Variants in TFEC observed in about 807,000 individuals in gnomAD.
The protein encoded by TFEC is class E basic helix-loop-helix protein 34.
TFEC carries 31 observed loss-of-function variants against 41.6 expected under a neutral mutation model. That is an observed-to-expected ratio of 0.74 (90% confidence interval 0.56 to 1.01). The LOEUF (loss-of-function observed/expected upper bound fraction) is 1.01, where lower values mean the gene tolerates loss of function less well. Ranked by LOEUF, TFEC falls within the 50% of genes least tolerant of loss-of-function variation. TFEC has a pLI of 0.00. For missense variants in TFEC, 402 were observed against 404.1 expected, an observed-to-expected ratio of 0.99 and a Z score of 0.04; for synonymous variants, 143 against 140.6, an observed-to-expected ratio of 1.02 and a Z score of -0.12.
chr7:116,106,082 A>G (rs1387227334), intron 3 of TFEC, among the ~76,000 whole-genome samples: 11 of 152,174 alleles, frequency 7.2e-5, no homozygotes, highest in Non-Finnish European at 1.6e-4. Flanking sequence ...CACATAGAGT[A>G]TCTCTATTCA....
chr7:116,144,427 AC>A (rs1798602133), intron 1 of TFEC, among the ~76,000 whole-genome samples: 1 of 152,178 alleles, frequency 6.6e-6, no homozygotes, highest in Non-Finnish European at 1.5e-5. Flanking sequence ...TTTTGTGTCT[AC>A]TTGGCCAGGC....
chr7:116,159,536 T>C (rs1212006433), intron 1 of TFEC, among the ~76,000 whole-genome samples: 1 of 152,108 alleles, frequency 6.6e-6, no homozygotes, highest in South Asian at 2.1e-4. Flanking sequence ...AAAGCAGTTA[T>C]CCAATTTACC....
intron 3 of TFEC, among the ~76,000 whole-genome samples, chr7:116,072,350 TTAAA>T (rs976015615): frequency 5.9e-5 from 9 of 151,676 alleles, no homozygotes; most frequent in Non-Finnish European, 1.5e-5. Flanking sequence ...AACTAACTTC[TTAAA>T]TAAACACACA....
rs149706694 is a variant in TFEC at position 115,968,104 on chromosome 7, T to C, written c.267+6066A>G. 3,693 of 1,370,578 alleles carry C rather than the reference T, an allele frequency of 2.7e-3. 140 individuals are homozygous for C. The Admixed American group carries it at 0.077, about 29-fold the overall frequency. The allele number at this position is 1,370,578 out of a possible 1,614,324, so 84.9% of individuals were successfully genotyped here. On this transcript the variant is annotated intron_variant, in intron 3 of 7. Transcript: ENST00000265440. ...TTCACATACCTTATTTTATTGACTATAAGTTTATAAAGTTTAAATTCAGTA... is the reference window on the plus strand; with the variant it reads ...TTCACATACCTTATTTTATTGACTACAAGTTTATAAAGTTTAAATTCAGTA...
At chr7:116,091,933 C>T (rs1011211631) in intron 3 of TFEC, among the ~76,000 whole-genome samples, 13 of 152,000 alleles carry the variant, frequency 8.6e-5, no homozygotes, top group African/African-American at 3.1e-4. Flanking sequence ...ACTAAAATGG[C>T]CAAACTGAAT....
At chr7:116,046,569 A>G (rs1487146950) in intron 3 of TFEC, among the ~76,000 whole-genome samples, 1 of 152,210 alleles carries the variant, frequency 6.6e-6, no homozygotes, top group African/African-American at 2.4e-5. Context: ...CAGTGTGAAA[A>G]TGAAATAATA....
At chr7:116,064,418 T>G (rs1796644628) in intron 3 of TFEC, among the ~76,000 whole-genome samples, 2 of 151,304 alleles carry the variant, frequency 1.3e-5, no homozygotes, top group Non-Finnish European at 2.9e-5. Context: ...ATCTTTTAAA[T>G]ATGTGCAGTT....
At chr7:116,128,720 G>C (rs1004420089) in intron 1 of TFEC, among the ~76,000 whole-genome samples, 2 of 151,834 alleles carry the variant, frequency 1.3e-5, no homozygotes, top group African/African-American at 4.8e-5. Flanking sequence ...TACTGACTGA[G>C]GAAAAAACAA....
At chr7:115,967,958 AT>A (rs1279723863) in intron 3 of TFEC, among the ~76,000 whole-genome samples, 3 of 151,780 alleles carry the variant, frequency 2.0e-5, no homozygotes, top group East Asian at 3.9e-4. Context: ...GAGTTTGAAT[AT>A]TTTTTACTAA....
intron 3 of TFEC, among the ~76,000 whole-genome samples, chr7:115,969,991 G>C (rs1266937155): frequency 1.3e-5 from 2 of 151,944 alleles, no homozygotes; most frequent in Non-Finnish European, 2.9e-5. Context: ...CTATGTTTAA[G>C]ATACCTGTTA....
At chr7:116,050,797 G>T (rs569187242) in intron 3 of TFEC, among the ~76,000 whole-genome samples, 204 of 152,276 alleles carry the variant, frequency 1.3e-3, no homozygotes, top group Non-Finnish European at 1.2e-3. Flanking sequence ...CCATTACTGG[G>T]CATATACCCA....
intron 3 of TFEC, among the ~76,000 whole-genome samples, chr7:116,097,639 T>C (rs1797499074): frequency 6.6e-6 from 1 of 152,128 alleles, no homozygotes; most frequent in Non-Finnish European, 1.5e-5. Context: ...AGGTGTGTGA[T>C]CTCATCACAC....
chr7:115,951,486 A>G (rs1791939639), intron 5 of TFEC, among the ~76,000 whole-genome samples: 1 of 152,102 alleles, frequency 6.6e-6, no homozygotes, highest in Non-Finnish European at 1.5e-5. Flanking sequence ...GGTGGTAAAT[A>G]AATGTATATT....
intron 1 of TFEC, among the ~76,000 whole-genome samples, chr7:116,005,760 C>T (rs1453520167): frequency 6.6e-6 from 1 of 152,174 alleles, no homozygotes; most frequent in Non-Finnish European, 1.5e-5. Flanking sequence ...AAAATGTTTC[C>T]AGGGCATGAC....
chr7:116,149,472 C>T (rs890262083), intron 1 of TFEC, among the ~76,000 whole-genome samples: 1 of 152,088 alleles, frequency 6.6e-6, no homozygotes, highest in Non-Finnish European at 1.5e-5. Context: ...TTAAAATCTT[C>T]CCAAAGGATA....
chr7:116,091,743 C>A (rs1797333018), intron 3 of TFEC, among the ~76,000 whole-genome samples: 1 of 151,912 alleles, frequency 6.6e-6, no homozygotes, highest in Admixed American at 6.6e-5. Context: ...CAGAATCATT[C>A]AAGGCTGAAA....
At chr7:115,956,488 TTCAG>T (rs1344393260) in intron 4 of TFEC, among the ~76,000 whole-genome samples, 187 bp downstream of exon 4, 3 of 151,940 alleles carry the variant, frequency 2.0e-5, no homozygotes, top group Non-Finnish European at 4.4e-5. Flanking sequence ...AATGAATCAA[TTCAG>T]TCAAACTATA....
At chr7:116,035,684 T>C (rs533917735), upstream of TFEC, among the ~76,000 whole-genome samples, 36 of 152,058 alleles carry the variant, frequency 2.4e-4, no homozygotes, top group Non-Finnish European at 4.3e-4. Context: ...TAATATATAA[T>C]AGACAGAAAG....
chr7:116,024,777 A>G (rs7799301), intron 1 of TFEC, among the ~76,000 whole-genome samples: 17,014 of 152,002 alleles, frequency 0.11, 1,166 homozygotes, highest in African/African-American at 0.19. Context: ...CATTTATTTT[A>G]TACATTATTT....
Sources: allele counts gnomAD v4.1 joint callset (sites outside exome capture counted in the v4.1 genomes callset), GRCh38; gene constraint gnomAD v4.1.1; transcripts MANE v1.5; gene names NCBI Gene and HGNC (gene_info 2026-07-23, HGNC 2026-07-21).